Variants in TENM3 observed in about 807,000 individuals in gnomAD.
TENM3 encodes teneurin-3.
Under a neutral mutation model 255.1 loss-of-function variants are expected in TENM3, and 63 were observed. The observed-to-expected ratio is 0.25, with a 90% confidence interval of 0.20 to 0.30. The LOEUF (loss-of-function observed/expected upper bound fraction) is 0.30, where lower values mean the gene tolerates loss of function less well. TENM3 is among the 10% of genes least tolerant of loss of function. The probability of loss-of-function intolerance (pLI) is 1.00; values close to 1 mark genes in which losing one functional copy is unlikely to be tolerated. For synonymous variants in TENM3, 1,306 were observed against 1,322.3 expected (o/e 0.99, Z 0.27); for missense variants, 2,929 against 3,461.1 (o/e 0.85, Z 3.86).
chr4:182,773,828 C>T (rs777051018), intron 23 of TENM3, 181 bp downstream of exon 23: 22 of 473,344 alleles, frequency 4.6e-5, no homozygotes, highest in Non-Finnish European at 6.9e-5. Context: ...TATTTTAAAA[C>T]CACATATAAG....
intron 1 of TENM3, among the ~76,000 whole-genome samples, chr4:182,277,494 G>A (rs1277787650): frequency 6.6e-6 from 1 of 152,156 alleles, no homozygotes; most frequent in African/African-American, 2.4e-5. Context: ...TTGCTCAAAG[G>A]TAGATGGAAT....
At chr4:182,677,777 T>C (rs7662421) in intron 7 of TENM3, among the ~76,000 whole-genome samples, 17,831 of 152,206 alleles carry the variant, frequency 0.12, 1,129 homozygotes, top group Non-Finnish European at 0.14. Context: ...GTTTTACTTA[T>C]AAATAAAAAT....
At chr4:181,949,605 C>T in the TENM3 span, among the ~76,000 whole-genome samples, 1 of 152,208 alleles carries the variant, frequency 6.6e-6, no homozygotes, top group East Asian at 1.9e-4. Context: ...AACCTGGACC[C>T]TATTCCTCCG....
chr4:182,794,214 C>T (rs933126358), intron 26 of TENM3, among the ~76,000 whole-genome samples: 1 of 152,180 alleles, frequency 6.6e-6, no homozygotes, highest in African/African-American at 2.4e-5. Flanking sequence ...AATCCCAGCT[C>T]CTCTCCCACA....
chr4:182,614,281 CATTT>C (rs1249454951), intron 4 of TENM3, among the ~76,000 whole-genome samples: 14 of 151,952 alleles, frequency 9.2e-5, no homozygotes, highest in Admixed American at 3.3e-4. Flanking sequence ...TCCTATAAAA[CATTT>C]ATCATTAAAT....
chr4:182,087,160 C>T, the TENM3 span, among the ~76,000 whole-genome samples: 2 of 152,106 alleles, frequency 1.3e-5, no homozygotes, highest in Admixed American at 6.6e-5. Context: ...GTAGGCTTGT[C>T]GGAGCTCCCG....
At chr4:182,181,949 A>G (rs1226276337) in intron 1 of TENM3, among the ~76,000 whole-genome samples, 1 of 151,498 alleles carries the variant, frequency 6.6e-6, no homozygotes, top group African/African-American at 2.4e-5. Context: ...GATAGGTAGT[A>G]TGTCCTTTGA....
At chr4:182,291,876 T>C (rs1381662609) in intron 1 of TENM3, among the ~76,000 whole-genome samples, 3 of 152,182 alleles carry the variant, frequency 2.0e-5, no homozygotes, top group Non-Finnish European at 2.9e-5. Context: ...CAGCTGTGTG[T>C]GTAGGGCTGG....
At chr4:181,476,218 T>TTTG in the TENM3 span, among the ~76,000 whole-genome samples, 1 of 142,316 alleles carries the variant, frequency 7.0e-6, no homozygotes, top group Non-Finnish European at 1.6e-5. Flanking sequence ...TTTTTTTTTT[T>TTTG]TTTTTTGACA....
At chr4:182,442,861 C>T (rs1288392398) in intron 3 of TENM3, among the ~76,000 whole-genome samples, 4 of 149,108 alleles carry the variant, frequency 2.7e-5, no homozygotes, top group East Asian at 3.9e-4. Flanking sequence ...CACACACACA[C>T]ACACACACAC....
In TENM3 at chr4:182,787,101, A is replaced by T. The variant is rs116001618; in HGVS notation, c.5305-1992A>T. Among the ~76,000 whole-genome samples, 418 of 152,354 alleles carry T rather than the reference A, an allele frequency of 2.7e-3. 2 individuals are homozygous for T. Among genetic ancestry groups the T allele is most frequent in the African/African-American group, 9.0e-3 (376 of 41,588 alleles). On this transcript the variant is annotated intron_variant, in intron 24 of 27. Transcript: ENST00000511685. Reference sequence around the variant, plus strand: ...TTCCAAGGTACACAAAGTATTCTACAAAGCTCAACTCATAAAGTTTCACAA... The same window carrying T: ...TTCCAAGGTACACAAAGTATTCTACTAAGCTCAACTCATAAAGTTTCACAA...
At position 182,219,536 on chromosome 4, in the gene TENM3, A is replaced by G. The variant is rs1213221196; in HGVS notation, c.-76+74782A>G. Among the ~76,000 whole-genome samples, 3 of 151,928 alleles carry G rather than the reference A, an allele frequency of 2.0e-5. No homozygotes were observed. The East Asian group carries it at 5.9e-4, about 30-fold the overall frequency. On this transcript the variant is annotated intron_variant, in intron 1 of 2. Transcript: ENST00000512480. ...AAAAATTAGCCAGGCGTAGTGTTGCATGCCTTTAATCCCAGCTACTCAGGA... is the reference window on the plus strand; with the variant it reads ...AAAAATTAGCCAGGCGTAGTGTTGCGTGCCTTTAATCCCAGCTACTCAGGA...
the TENM3 span, among the ~76,000 whole-genome samples, chr4:182,099,173 A>AGGCTG: frequency 6.6e-6 from 1 of 151,976 alleles, no homozygotes; most frequent in Non-Finnish European, 1.5e-5. Flanking sequence ...CGTGCTGCCC[A>AGGCTG]GGCTGGTCTC....
chr4:182,680,437 AG>A (rs34738241), intron 9 of TENM3, 88 bp downstream of exon 9: 37 of 1,112,246 alleles, frequency 3.3e-5, no homozygotes, highest in African/African-American at 1.6e-4. Flanking sequence ...CAGGAAAGAA[AG>A]GGGGGGGGAG....
At chr4:181,804,357 A>G in the TENM3 span, among the ~76,000 whole-genome samples, 1 of 152,218 alleles carries the variant, frequency 6.6e-6, no homozygotes, top group Non-Finnish European at 1.5e-5. Context: ...AAATAACTTT[A>G]GTGGATGTTT....
At chr4:182,242,925 C>T (rs563721273), upstream of TENM3, among the ~76,000 whole-genome samples, 5 of 152,202 alleles carry the variant, frequency 3.3e-5, no homozygotes, top group South Asian at 2.1e-4. Context: ...GTATTAGAAG[C>T]GGAGGCTAAG....
chr4:182,417,192 G>T (rs1770447388), intron 3 of TENM3, among the ~76,000 whole-genome samples: 1 of 151,888 alleles, frequency 6.6e-6, no homozygotes, highest in African/African-American at 2.4e-5. Flanking sequence ...CAGCCAGGAT[G>T]GTCTCGATCT....
chr4:182,519,681 A>G (rs1047537175), intron 3 of TENM3, among the ~76,000 whole-genome samples: 1 of 152,220 alleles, frequency 6.6e-6, no homozygotes, highest in Non-Finnish European at 1.5e-5. Flanking sequence ...CATCTCTTCA[A>G]AAACCTTTAC....
chr4:182,538,314 G>A (rs753875515), intron 3 of TENM3, among the ~76,000 whole-genome samples: 1 of 152,142 alleles, frequency 6.6e-6, no homozygotes, highest in Non-Finnish European at 1.5e-5. Flanking sequence ...AGCTAACAAG[G>A]CATATTAATG....
Sources: allele counts gnomAD v4.1 joint callset (sites outside exome capture counted in the v4.1 genomes callset), GRCh38; gene constraint gnomAD v4.1.1; transcripts MANE v1.5; gene names NCBI Gene and HGNC (gene_info 2026-07-23, HGNC 2026-07-21).